PCCA: variants seen among roughly 807,000 people sequenced by gnomAD.
PCCA encodes the protein propionyl-CoA carboxylase alpha chain, mitochondrial.
PCCA carries 74 observed loss-of-function variants against 101.3 expected under a neutral mutation model. The ratio of observed to expected loss-of-function variants is 0.73; its 90% CI spans 0.61 to 0.89. The LOEUF is 0.89. PCCA is among the 40% of genes least tolerant of loss of function. The pLI is 0.00. For synonymous variants in PCCA, 294 were observed against 313.6 expected, an observed-to-expected ratio of 0.94 and a Z score of 0.66; for missense variants, 891 against 907.0, an observed-to-expected ratio of 0.98 and a Z score of 0.23.
chr13:100,328,161 G>A (rs949805973), intron 16 of PCCA, among the ~76,000 whole-genome samples: 5 of 152,030 alleles, frequency 3.3e-5, no homozygotes, highest in African/African-American at 4.8e-5. Flanking sequence ...TCAGGAGATC[G>A]AGACCAACCT....
chr13:100,475,821 A>G (rs942405461), intron 21 of PCCA, among the ~76,000 whole-genome samples: 2 of 152,090 alleles, frequency 1.3e-5, no homozygotes, highest in African/African-American at 2.4e-5. Flanking sequence ...TGTCTTTTTT[A>G]TTATGGTCAT....
chr13:100,386,617 G>A (rs928011176), intron 19 of PCCA, among the ~76,000 whole-genome samples: 4 of 152,276 alleles, frequency 2.6e-5, no homozygotes, highest in African/African-American at 4.8e-5. Context: ...TCCTGACGTC[G>A]TGATCCACCC....
intron 22 of PCCA, among the ~76,000 whole-genome samples, chr13:100,526,814 G>A (rs1038896707): frequency 2.0e-5 from 3 of 152,272 alleles, no homozygotes; most frequent in South Asian, 2.1e-4. Context: ...CACGCTTAAC[G>A]CCAGTGGGCT....
At chr13:100,188,564 G>A (rs1040234506) in intron 6 of PCCA, among the ~76,000 whole-genome samples, 4 of 152,140 alleles carry the variant, frequency 2.6e-5, no homozygotes, top group Non-Finnish European at 5.9e-5. Context: ...TTTCCTCTGG[G>A]TAGACACCCA....
At chr13:100,470,618 G>T (rs1303279400) in intron 21 of PCCA, among the ~76,000 whole-genome samples, 1 of 151,720 alleles carries the variant, frequency 6.6e-6, no homozygotes, top group Non-Finnish European at 1.5e-5. Context: ...CACATAGGAA[G>T]AAAGGCCCAA....
chr13:100,180,744 A>G (rs1316049241), intron 6 of PCCA, among the ~76,000 whole-genome samples: 1 of 152,210 alleles, frequency 6.6e-6, no homozygotes, highest in Non-Finnish European at 1.5e-5. Flanking sequence ...ACGTTGCACA[A>G]ATGCTTAAAT....
intron 16 of PCCA, among the ~76,000 whole-genome samples, chr13:100,314,055 C>T (rs1000153149): frequency 2.0e-5 from 3 of 151,840 alleles, no homozygotes; most frequent in East Asian, 1.9e-4. Context: ...GGAGAGTCCA[C>T]GGTAGTTGAT....
chr13:100,257,036 C>T (rs2062123798), intron 8 of PCCA, among the ~76,000 whole-genome samples: 1 of 152,130 alleles, frequency 6.6e-6, no homozygotes, highest in South Asian at 2.1e-4. Context: ...CCATTGATAC[C>T]AGTGAGCCCT....
chr13:100,439,564 T>A (rs906832730), intron 20 of PCCA, among the ~76,000 whole-genome samples: 1 of 152,170 alleles, frequency 6.6e-6, no homozygotes. Flanking sequence ...GAAGTAATTT[T>A]TTTGACCTTG....
intron 21 of PCCA, among the ~76,000 whole-genome samples, chr13:100,453,333 T>A (rs996843631): frequency 6.6e-6 from 1 of 151,896 alleles, no homozygotes; most frequent in African/African-American, 2.4e-5. Flanking sequence ...AAACCCTGTT[T>A]CTACTAAAAA....
intron 22 of PCCA, among the ~76,000 whole-genome samples, chr13:100,520,613 C>T (rs923138408): frequency 1.8e-4 from 21 of 117,178 alleles, no homozygotes; most frequent in Middle Eastern, 9.3e-3. Flanking sequence ...CCAGCCTGGG[C>T]GACAGAGCGA....
intron 9 of PCCA, among the ~76,000 whole-genome samples, chr13:100,262,372 C>T (rs1457021311): frequency 2.7e-5 from 4 of 150,280 alleles, no homozygotes; most frequent in Admixed American, 6.6e-5. Flanking sequence ...CCAGCCTGGG[C>T]GACAGAGTGA....
In PCCA at chr13:100,117,833, G is replaced by C. The variant is rs375614667; in HGVS notation, c.300+5772G>C. Among the ~76,000 whole-genome samples the C allele has an allele frequency of 1.2e-4, 18 of 151,906 alleles. No homozygotes were observed. In the East Asian group the frequency reaches 3.5e-3, roughly 29 times the overall value. On this transcript the variant is annotated intron_variant, in intron 4 of 23. Coordinates refer to ENST00000376285, the MANE Select transcript of PCCA (RefSeq NM_000282.4). ...CCTGGACAGGAAAAAGAAAAAAAAA[G>C]AGGCCGGGCGTAGTGGCTCACGCCT...
At chr13:100,323,045 G>T (rs545681584) in intron 16 of PCCA, among the ~76,000 whole-genome samples, 1 of 152,316 alleles carries the variant, frequency 6.6e-6, no homozygotes, top group South Asian at 2.1e-4. Flanking sequence ...CATATAGATA[G>T]GTTTGCTCAG....
At chr13:100,116,477 T>C (rs1298315432) in intron 4 of PCCA, among the ~76,000 whole-genome samples, 3 of 152,060 alleles carry the variant, frequency 2.0e-5, no homozygotes, top group African/African-American at 4.8e-5. Flanking sequence ...GATAGAAAAA[T>C]GTTGGCTTTT....
At chr13:100,296,361 C>T (rs1218626391) in intron 12 of PCCA, among the ~76,000 whole-genome samples, 1 of 151,748 alleles carries the variant, frequency 6.6e-6, no homozygotes, top group Admixed American at 6.6e-5. Context: ...CCACCTCAGC[C>T]TCCCAATTAG....
intron 21 of PCCA, among the ~76,000 whole-genome samples, chr13:100,485,992 CT>C (rs2084345904): frequency 6.6e-6 from 1 of 152,224 alleles, no homozygotes; most frequent in Admixed American, 6.5e-5. Context: ...TGAGCTCCCC[CT>C]AACACAGGAG....
intron 22 of PCCA, among the ~76,000 whole-genome samples, chr13:100,524,403 G>GTGTC (rs1205450451): frequency 1.1e-4 from 16 of 151,812 alleles, no homozygotes; most frequent in Middle Eastern, 3.5e-3. Context: ...GTGTGTGTGT[G>GTGTC]TGTGTGTGTT....
chr13:100,175,483 A>G (rs1431420648), intron 6 of PCCA, among the ~76,000 whole-genome samples: 1 of 152,198 alleles, frequency 6.6e-6, no homozygotes, highest in African/African-American at 2.4e-5. Context: ...TTTTGCAGCT[A>G]GCATCTTTAA....
Sources: gnomAD v4.1 joint callset for allele counts (sites outside exome capture counted in the v4.1 genomes callset) on GRCh38, gnomAD v4.1.1 for gene constraint, MANE v1.5 for transcripts, NCBI Gene and HGNC (gene_info 2026-07-23, HGNC 2026-07-21) for gene names.